Variants in PSTPIP1 observed in about 807,000 individuals in gnomAD.
PSTPIP1 encodes the protein proline-serine-threonine phosphatase-interacting protein 1.
A neutral mutation model predicts 69.6 loss-of-function variants in PSTPIP1; 66 were observed. The observed-to-expected ratio is 0.95, with a 90% confidence interval of 0.78 to 1.16. The LOEUF (loss-of-function observed/expected upper bound fraction) is 1.16. Among genes scored for constraint, PSTPIP1 ranks in the 50% most tolerant of loss-of-function variants. PSTPIP1 has a pLI of 0.00. For missense variants in PSTPIP1, 603 were observed against 557.4 expected, an observed-to-expected ratio of 1.08 and a Z score of -0.82; for synonymous variants, 266 against 222.7, an observed-to-expected ratio of 1.19 and a Z score of -1.73.
Position 77,018,143 on chromosome 15 carries a change from C to T in PSTPIP1, c.37-5C>T, listed in dbSNP as rs879254119. 3 of 1,571,788 alleles carry T rather than the reference C, an allele frequency of 1.9e-6. No homozygotes were observed. The highest frequency in any genetic ancestry group is 2.6e-6 in the Non-Finnish European group (3 of 1,159,282). On this transcript the variant is annotated splice_polypyrimidine_tract_variant and splice_region_variant and intron_variant, in intron 1 of 14. Transcript: ENST00000558012. ...CCTCATGTGTCCTTCTGTCCTGTGT[C>T]ACAGTGCAGGGACTTCACAGCCCAC... is the stretch of plus-strand genomic sequence containing the variant.
chr15:77,030,227 C>T (rs1020292918), intron 8 of PSTPIP1, among the ~76,000 whole-genome samples: 6 of 152,228 alleles, frequency 3.9e-5, no homozygotes, highest in African/African-American at 7.2e-5. Flanking sequence ...TGAGGTGGGG[C>T]GCCCAGAGAT....
chr15:76,999,565 C>T (rs917489919), intron 1 of PSTPIP1: 8 of 152,274 alleles, frequency 5.3e-5, no homozygotes, highest in Non-Finnish European at 1.0e-4. Context: ...AGGCGTGAGC[C>T]GCCGCGCCCA....
intron 1 of PSTPIP1, among the ~76,000 whole-genome samples, chr15:77,006,273 A>G (rs1446454570): frequency 6.6e-6 from 1 of 152,056 alleles, no homozygotes; most frequent in African/African-American, 2.4e-5. Context: ...CCTTCTTTGG[A>G]GAAAGTCTAT....
chr15:77,021,754 C>G (rs2076166147), intron 3 of PSTPIP1, among the ~76,000 whole-genome samples: 1 of 152,216 alleles, frequency 6.6e-6, no homozygotes, highest in African/African-American at 2.4e-5. Flanking sequence ...CCTGCAGAGA[C>G]TTTGCCTGAC....
chr15:76,997,735 G>A lies in PSTPIP1; in HGVS notation c.36+2126G>A, dbSNP rs192217206. Among the ~76,000 whole-genome samples the A allele has an allele frequency of 2.1e-3, 321 of 152,252 alleles. 2 individuals carry two copies. Among genetic ancestry groups the A allele is most frequent in the African/African-American group, 7.4e-3 (308 of 41,538 alleles). On this transcript the variant is annotated intron_variant, in intron 1 of 14. Coordinates refer to ENST00000558012, the MANE Select transcript of PSTPIP1 (RefSeq NM_003978.5). ...AGGTAACCCCTCTTATCTCCCAGAG[G>A]GGTAAGAAAATCAGACAAGGTGGCT...
At chr15:77,019,699 C>A (rs998386006) in intron 3 of PSTPIP1, among the ~76,000 whole-genome samples, 1 of 152,208 alleles carries the variant, frequency 6.6e-6, no homozygotes, top group South Asian at 2.1e-4. Flanking sequence ...AGCGAGCTGC[C>A]GTGCAAATCA....
At chr15:77,010,763 T>C (rs2075917351) in intron 1 of PSTPIP1, among the ~76,000 whole-genome samples, 1 of 152,042 alleles carries the variant, frequency 6.6e-6, no homozygotes, top group African/African-American at 2.4e-5. Flanking sequence ...TTCTCCTGCC[T>C]CACCCTCCGA....
intron 1 of PSTPIP1, among the ~76,000 whole-genome samples, chr15:77,008,596 G>A (rs2075868221): frequency 6.6e-6 from 1 of 152,136 alleles, no homozygotes; most frequent in African/African-American, 2.4e-5. Context: ...TTTTAGTAGA[G>A]ATGGGGTTTC....
In PSTPIP1 at chr15:77,022,144, A is replaced by C. The variant is rs147792377; in HGVS notation, c.213-3140A>C. Among the ~76,000 whole-genome samples, 53 of 152,334 alleles carry C rather than the reference A, an allele frequency of 3.5e-4. No homozygotes were observed. The East Asian group carries it at 0.01, about 29-fold the overall frequency. On this transcript the variant is annotated intron_variant, in intron 3 of 14. Coordinates refer to ENST00000558012, the MANE Select transcript of PSTPIP1 (RefSeq NM_003978.5). ...CAGAGAGATTTTTAAAATTTTTTTC[A>C]TGGTCTCTCTTCCTCTGAACTCAGA...
rs1268760827 is a variant in PSTPIP1 at position 77,028,635 on chromosome 15, C to T, written c.499C>T (p.Gln167Ter). ...AFERISANGH[Q>*]KQVEKSQNKA... is the part of the protein sequence containing the mutation. ...CGAGCGCATTAGCGCCAACGGCCAC[C>T]AGAAGCAGGTGGAGAAGGTGCGCTG... The change falls in exon 7 of 15, where the codon CAG becomes TAG. Residue 167 changes from glutamine (Q) to a stop codon, truncating the protein, a stop_gained. Coordinates refer to ENST00000558012, the MANE Select transcript of PSTPIP1 (RefSeq NM_003978.5). LOFTEE classifies it high-confidence loss of function. The T allele has an allele frequency of 6.3e-7, 1 of 1,578,262 alleles. No homozygotes were observed. Among genetic ancestry groups the T allele is most frequent in the East Asian group, 2.4e-5 (1 of 42,482 alleles).
At chr15:77,024,135 C>G (rs1211195423) in intron 3 of PSTPIP1, 1 of 152,270 alleles carries the variant, frequency 6.6e-6, no homozygotes, top group Admixed American at 6.5e-5. Context: ...TGGGCATCAG[C>G]AGCGCTTGGG....
At chr15:77,030,740 C>T (rs2076394698) in intron 9 of PSTPIP1, among the ~76,000 whole-genome samples, 159 bp downstream of exon 9, 1 of 152,232 alleles carries the variant, frequency 6.6e-6, no homozygotes, top group South Asian at 2.1e-4. Context: ...GTGCTGGGCC[C>T]TGGCCCTGTT....
rs1380363455 is a variant in PSTPIP1 at position 77,027,077 on chromosome 15, C to A, written c.355-775C>A. On this transcript the variant is annotated intron_variant, in intron 5 of 14. Coordinates refer to ENST00000558012, the MANE Select transcript of PSTPIP1 (RefSeq NM_003978.5). The surrounding 1 kb of genome is among the most constrained non-coding windows in gnomAD (Gnocchi z 4.3). ...ACGCTCCCCTGCATATGCCTGTGAG[C>A]ATGTGTCCTTGTCCAGCCCTGTGCA... Among the ~76,000 whole-genome samples, 1 of 152,206 alleles carries A rather than the reference C, an allele frequency of 6.6e-6. No individual in the cohort carries two copies. The highest frequency in any genetic ancestry group is 1.5e-5 in the Non-Finnish European group (1 of 68,040).
At chr15:77,017,927 C>G (rs2076084153) in intron 1 of PSTPIP1, among the ~76,000 whole-genome samples, 1 of 152,216 alleles carries the variant, frequency 6.6e-6, no homozygotes, top group Admixed American at 6.5e-5. Flanking sequence ...GCCCTGTCAG[C>G]TGGGTGGGGC....
intron 2 of PSTPIP1, 82 bp from the exon 3 acceptor site, chr15:77,018,375 C>G (rs1375785117): frequency 5.2e-6 from 8 of 1,539,944 alleles, no homozygotes; most frequent in Non-Finnish European, 7.0e-6. Context: ...CTTTAAAAAA[C>G]TCTTCTGTGT....
chr15:76,999,870 T>C (rs1489823302), intron 1 of PSTPIP1, among the ~76,000 whole-genome samples: 1 of 152,212 alleles, frequency 6.6e-6, no homozygotes, highest in Non-Finnish European at 1.5e-5. Context: ...TCATTAGATA[T>C]TGTTTTAAGA....
rs570416817 is a variant in PSTPIP1 at position 77,030,557 on chromosome 15, G to A, written c.618G>A (p.Glu206=). The change falls in exon 9 of 15, where the codon GAG becomes GAA. Residue 206 remains glutamate (E), a synonymous_variant. Coordinates refer to ENST00000558012, the MANE Select transcript of PSTPIP1 (RefSeq NM_003978.5). ...TGGAGAAGGTCCGGGCTGAGTGGGA[G>A]CAGGAGCACCGGACCACCTGTGAGG... is the stretch of plus-strand genomic sequence containing the variant. ...AQLEKVRAEW[E]QEHRTTCEAF... The A allele has an allele frequency of 9.3e-6, 15 of 1,609,792 alleles. No individual in the cohort carries two copies. In the African/African-American group the frequency reaches 1.7e-4, roughly 19 times the overall value.
intron 1 of PSTPIP1, among the ~76,000 whole-genome samples, chr15:77,013,810 G>T (rs1182347629): frequency 6.6e-6 from 1 of 152,210 alleles, no homozygotes; most frequent in Non-Finnish European, 1.5e-5. Flanking sequence ...CCCCTCCAAG[G>T]TTGGAGGCTT....
intron 1 of PSTPIP1, among the ~76,000 whole-genome samples, chr15:77,007,386 T>C (rs977705035): frequency 6.6e-6 from 1 of 152,108 alleles, no homozygotes; most frequent in African/African-American, 2.4e-5. Context: ...GGCAGGTGGA[T>C]TGCTCGAGCC....
Sources: gnomAD v4.1 joint callset for allele counts (sites outside exome capture counted in the v4.1 genomes callset) on GRCh38, gnomAD v4.1.1 for gene constraint, Gnocchi (gnomAD v3.1) non-coding constraint, MANE v1.5 for transcripts, NCBI Gene and HGNC (gene_info 2026-07-23, HGNC 2026-07-21) for gene names.